Variants in SALL1 observed in about 807,000 individuals in gnomAD.
The protein encoded by SALL1 is spalt like transcription factor 1.
In SALL1, 10 loss-of-function variants were observed where a neutral mutation model predicts 73.1. The ratio of observed to expected loss-of-function variants is 0.14; its 90% CI spans 0.08 to 0.23. The LOEUF (loss-of-function observed/expected upper bound fraction) is 0.23. Among genes scored for constraint, SALL1 ranks in the 10% least tolerant of loss-of-function variants. The pLI is 1.00. For synonymous variants in SALL1, 688 were observed against 689.8 expected (o/e 1.00, Z 0.04); for missense variants, 1,520 against 1,697.3 (o/e 0.90, Z 1.84).
rs552665248 is a variant in SALL1 at position 51,145,258 on chromosome 16, G to A, written c.77-3113C>T. ...CACACACACACGTACACACGAACAT[G>A]TTATAATTAATTTTTCTGATTGTCT... On this transcript the variant is annotated intron_variant, in intron 1 of 2. Transcript: ENST00000251020. Among the ~76,000 whole-genome samples, 585 of 150,822 alleles carry A rather than the reference G, an allele frequency of 3.9e-3. 6 individuals are homozygous for A. The highest frequency in any genetic ancestry group is 0.013 in the African/African-American group (554 of 41,146).
intron 1 of SALL1, chr16:51,150,257 C>T (rs1962577008): frequency 7.6e-6 from 2 of 264,160 alleles, no homozygotes; most frequent in African/African-American, 4.6e-5. Context: ...AAACAAGTGC[C>T]CCTGTTTCAG....
Position 51,151,237 on chromosome 16 carries a change from G to A in SALL1, c.5C>T (p.Ser2Leu). 6.3e-7 allele frequency: 1 copy of A among 1,598,136 alleles called. No homozygotes were observed. The change falls in exon 1 of 3, where the codon TCG (serine) becomes TTG (leucine). Residue 2 changes from serine (S) to leucine (L), a missense_variant. Transcript: ENST00000251020. Reference sequence around the variant, plus strand: ...TTGAGGCTTCGCTTGCTTCCTCCGCGACATGCTGGCTCAAACATCAGCTGG... The same window carrying A: ...TTGAGGCTTCGCTTGCTTCCTCCGCAACATGCTGGCTCAAACATCAGCTGG... The part of the protein sequence containing the change: M[S>L]RRKQAKPQHF...
Position 51,139,277 on chromosome 16 carries a change from T to C in SALL1, c.2945A>G (p.Lys982Arg), listed in dbSNP as rs767810996. 11 of 1,614,184 alleles carry C rather than the reference T, an allele frequency of 6.8e-6. No homozygotes were observed. Among genetic ancestry groups the C allele is most frequent in the South Asian group, 1.1e-5 (1 of 91,086 alleles). Residue 982 changes from lysine to arginine, a missense_variant, in exon 2 of 3, where the codon AAA (lysine) becomes AGA (arginine). By Grantham distance (26) the Lys-to-Arg change is conservative. Transcript: ENST00000251020. ...LTSSHAEKII[K>R]EDSLGILFPF... is the part of the protein sequence containing the mutation. ...GAAGAGGATCCCCAAAGAATCTTCT[T>C]TGATGATTTTCTCTGCGTGACTAGA...
intron 1 of SALL1, among the ~76,000 whole-genome samples, chr16:51,146,457 A>G (rs1473369496): frequency 6.6e-6 from 1 of 152,162 alleles, no homozygotes; most frequent in African/African-American, 2.4e-5. Context: ...TTAAGGCGAG[A>G]TCTAAACTTT....
At position 51,136,266 on chromosome 16, in the gene SALL1, A is replaced by AC. The variant is rs1962295954; in HGVS notation, c.*845dup. On this transcript the variant is annotated 3_prime_UTR_variant, in exon 3 of 3. Coordinates refer to ENST00000251020, the MANE Select transcript of SALL1 (RefSeq NM_002968.3). ...TCTTATTGTATATACAAGAGCATCT[A>AC]CATTTTCTCCACTGAAGGTTGTTCA... 6.6e-6 allele frequency: 1 copy of AC among 152,668 alleles called. No individual in the cohort carries two copies. The highest frequency in any genetic ancestry group is 2.4e-5 in the African/African-American group (1 of 41,462). 9.5% of individuals were successfully genotyped at this position (152,668 alleles called of 1,614,324 possible).
In SALL1 at chr16:51,141,631, G is replaced by A. The variant is rs763677286; in HGVS notation, c.591C>T (p.Ile197=). ...NFSVINSNVI[I]ENLQSTKVAV... is the part of the protein sequence containing the mutation. ...CCACCTTGGTGCTCTGGAGGTTCTC[G>A]ATGATGACGTTGCTGTTGATTACGG... The change falls in exon 2 of 3, where the codon ATC becomes ATT. Residue 197 remains isoleucine, a synonymous_variant. Coordinates refer to ENST00000251020, the MANE Select transcript of SALL1 (RefSeq NM_002968.3). The surrounding 1 kb of genome is among the most constrained non-coding windows in gnomAD (Gnocchi z 5.4). The A allele has an allele frequency of 1.1e-5, 18 of 1,613,912 alleles. No individual in the cohort carries two copies. The South Asian group carries it at 1.2e-4, about 11-fold the overall frequency.
rs1373874712 is a variant in SALL1, at chr16:51,147,808, C to CACACACACA, written c.76+3357_76+3358insTGTGTGTGT. On this transcript the variant is annotated intron_variant, in intron 1 of 2. Coordinates refer to ENST00000251020, the MANE Select transcript of SALL1 (RefSeq NM_002968.3). ...ACACACACACACACACACACACACA[C>CACACACACA]ATGCACACATGCACTTACGCACACA... Among the ~76,000 whole-genome samples, 3 of 151,628 alleles carry CACACACACA rather than the reference C, an allele frequency of 2.0e-5. No individual in the cohort carries two copies. The East Asian group carries it at 5.8e-4, about 29-fold the overall frequency.
chr16:51,151,280 CT>C, upstream of SALL1: 1 of 1,431,594 alleles, frequency 7.0e-7, no homozygotes, highest in South Asian at 1.4e-5. Context: ...TAAAAAATTA[CT>C]AAAAAAAAAT....
chr16:51,139,997 G>T lies in SALL1; in HGVS notation c.2225C>A (p.Ala742Asp). ...RPFKCKICGR[A>D]FTTKGNLKTH... Reference sequence around the variant, plus strand: ...TTTAAGATTCCCTTTCGTGGTGAAAGCCCGGCCACAGATCTTACACTTAAA... The same window carrying T: ...TTTAAGATTCCCTTTCGTGGTGAAATCCCGGCCACAGATCTTACACTTAAA... Residue 742 changes from alanine to aspartate, a missense_variant, in exon 2 of 3, where the codon GCT becomes GAT. This residue lies in a region of SALL1 where 77 missense variants were observed against 117.2 expected (regional missense o/e 0.66). Transcript: ENST00000251020. 6.2e-7 allele frequency: 1 copy of T among 1,614,218 alleles called. No individual in the cohort carries two copies. The highest frequency in any genetic ancestry group is 8.5e-7 in the Non-Finnish European group (1 of 1,180,044).
rs764649258 is a variant in SALL1 at position 51,137,490 on chromosome 16, C to A, written c.3597G>T (p.Val1199=). The A allele has an allele frequency of 6.2e-7, 1 of 1,613,932 alleles. No homozygotes were observed. Among genetic ancestry groups the A allele is most frequent in the South Asian group, 1.1e-5 (1 of 91,058 alleles). ...CTCCTAGAAATGTCATGGGGCCATC[C>A]ACAGAGAGCCGCCGACCCCGTCGTG... ...TPARRGRRLS[V]DGPMTFLGGN... The change falls in exon 3 of 3, where the codon GTG becomes GTT. Residue 1199 remains valine (V), a synonymous_variant. Transcript: ENST00000251020.
Position 51,139,552 on chromosome 16 carries a change from A to C in SALL1, c.2670T>G (p.Asn890Lys), listed in dbSNP as rs1962374395. 1 of 1,614,074 alleles carries C rather than the reference A, an allele frequency of 6.2e-7. No individual in the cohort carries two copies. The highest frequency in any genetic ancestry group is 1.1e-5 in the South Asian group (1 of 91,080). Residue 890 changes from asparagine (N) to lysine (K), a missense_variant, in exon 2 of 3, where the codon AAT (asparagine) becomes AAG (lysine). Asn to Lys is a moderately conservative substitution (Grantham distance 94, BLOSUM62 0). Coordinates refer to ENST00000251020, the MANE Select transcript of SALL1 (RefSeq NM_002968.3). ...QLQASLKSVE[N>K]GSIEGDVLTN... is the part of the protein sequence containing the mutation. ...TCAGGACATCCCCCTCGATGGACCC[A>C]TTCTCCACTGACTTCAGGCTGGCCT...
Position 51,139,324 on chromosome 16 carries a change from A to T in SALL1, c.2898T>A (p.Asn966Lys). ...TAGATGTCAAATCCAAAGCCCCACC[A>T]TTCACTGGGGTGGGAGACAAACCAT... is the stretch of plus-strand genomic sequence containing the variant. Reference protein sequence around the residue: ...FANGLSPTPVNGGALDLTSSH... With the variant: ...FANGLSPTPVKGGALDLTSSH... Residue 966 changes from asparagine (N) to lysine (K), a missense_variant, in exon 2 of 3, where the codon AAT (asparagine) becomes AAA (lysine). Coordinates refer to ENST00000251020, the MANE Select transcript of SALL1 (RefSeq NM_002968.3). 1 of 1,614,116 alleles carries T rather than the reference A, an allele frequency of 6.2e-7. No individual in the cohort carries two copies. Among genetic ancestry groups the T allele is most frequent in the Non-Finnish European group, 8.5e-7 (1 of 1,180,018 alleles).
At position 51,146,428 on chromosome 16, in the gene SALL1, C is replaced by T. The variant is rs532547207; in HGVS notation, c.77-4283G>A. Among the ~76,000 whole-genome samples, 6 of 152,122 alleles carry T rather than the reference C, an allele frequency of 3.9e-5. 1 individual carries two copies. Among genetic ancestry groups the T allele is most frequent in the African/African-American group, 1.4e-4 (6 of 41,486 alleles). On this transcript the variant is annotated intron_variant, in intron 1 of 2. Coordinates refer to ENST00000251020, the MANE Select transcript of SALL1 (RefSeq NM_002968.3). Reference sequence around the variant, plus strand: ...CTTTGTGGCTTTCCTATTGCAGTGACGCGTAAAAAAGAGACTCCTTAAGGC... The same window carrying T: ...CTTTGTGGCTTTCCTATTGCAGTGATGCGTAAAAAAGAGACTCCTTAAGGC...
At chr16:51,147,018 T>G (rs538386346) in intron 1 of SALL1, among the ~76,000 whole-genome samples, 1 of 152,306 alleles carries the variant, frequency 6.6e-6, no homozygotes, top group African/African-American at 2.4e-5. Context: ...TTTCAAAAAC[T>G]TAACCAGTCT....
Position 51,140,788 on chromosome 16 carries a change from C to T in SALL1, c.1434G>A (p.Lys478=). 1.2e-6 allele frequency: 2 copies of T among 1,614,226 alleles called. No homozygotes were observed. Residue 478 remains lysine, a synonymous_variant, in exon 2 of 3, where the codon AAG becomes AAA. Coordinates refer to ENST00000251020, the MANE Select transcript of SALL1 (RefSeq NM_002968.3). The surrounding 1 kb of genome is among the most constrained non-coding windows in gnomAD (Gnocchi z 5.7). ...AGAACCTGTTCCCGCAGATGTTGCACTTGAATGGCCTCTCTCCGGTATGGG... is the reference window on the plus strand; with the variant it reads ...AGAACCTGTTCCCGCAGATGTTGCATTTGAATGGCCTCTCTCCGGTATGGG... ...LRSHTGERPF[K]CNICGNRFST... is the part of the protein sequence containing the mutation.
At position 51,141,787 on chromosome 16, in the gene SALL1, G is replaced by T; in HGVS notation, c.435C>A (p.Ser145Arg). Reference protein sequence around the residue: ...SGSGTSSGSHSSTAPSSSSSS... With the variant: ...SGSGTSSGSHRSTAPSSSSSS... ...TGCTGCTGCTGCTTGGGGCGGTACT[G>T]CTGTGGCTGCCGCTGGAAGTGCCGC... Residue 145 changes from serine to arginine, a missense_variant, in exon 2 of 3, where the codon AGC becomes AGA. Ser to Arg is a moderately radical substitution (Grantham distance 110). Transcript: ENST00000251020. This position sits in a 1 kb window ranked among gnomAD's most constrained non-coding sequence, Gnocchi z 5.4. The T allele has an allele frequency of 6.2e-7, 1 of 1,613,310 alleles. No individual in the cohort carries two copies. Among genetic ancestry groups the T allele is most frequent in the Non-Finnish European group, 8.5e-7 (1 of 1,179,784 alleles).
In SALL1 at chr16:51,136,975, T is replaced by C; in HGVS notation, c.*137A>G. 1.4e-6 allele frequency: 1 copy of C among 721,334 alleles called. No homozygotes were observed. Among genetic ancestry groups the C allele is most frequent in the Middle Eastern group, 2.8e-4 (1 of 3,524 alleles). The allele number at this position is 721,334 out of a possible 1,614,324, so 44.7% of individuals were successfully genotyped here. A position where few individuals can be genotyped will look rare whatever the true frequency, so the allele number is the denominator to read the frequency against. ...TAAAGTTGAACAAGGTACAAAAGAA[T>C]GTCTTCATAATGTTGTAGTTCATAG... On this transcript the variant is annotated 3_prime_UTR_variant, in exon 3 of 3. Transcript: ENST00000251020.
chr16:51,140,124 T>C lies in SALL1; in HGVS notation c.2098A>G (p.Lys700Glu). The C allele has an allele frequency of 6.2e-7, 1 of 1,614,134 alleles. No individual in the cohort carries two copies. The highest frequency in any genetic ancestry group is 8.5e-7 in the Non-Finnish European group (1 of 1,180,036). ...CACTCATTGGGGTCAGTGGCCTTCT[T>C]GTCAATGTTTTCTACCAGTTGCTGA... ...KLQQLVENID[K>E]KATDPNECII... Residue 700 changes from lysine to glutamate, a missense_variant, in exon 2 of 3, where the codon AAG becomes GAG. Lys to Glu is a moderately conservative substitution (Grantham distance 56, BLOSUM62 1). Around this residue, in one of 7 missense-constraint regions of SALL1, gnomAD observed 276 missense variants for 259.1 expected, o/e 1.07. Coordinates refer to ENST00000251020, the MANE Select transcript of SALL1 (RefSeq NM_002968.3). The surrounding 1 kb of genome is among the most constrained non-coding windows in gnomAD (Gnocchi z 5.7).
rs570139964 is a variant in SALL1 at position 51,136,922 on chromosome 16, C to T, written c.*190G>A. The T allele has an allele frequency of 1.6e-5, 10 of 612,048 alleles. No homozygotes were observed. The highest frequency in any genetic ancestry group is 2.7e-5 in the Admixed American group (1 of 36,416). The allele number at this position is 612,048 out of a possible 1,614,324, so 37.9% of individuals were successfully genotyped here. ...TTCTGTTTGCAAAGCAAGGTTATAT[C>T]GCTAATAAATAAGCTTTCTTAGAAC... On this transcript the variant is annotated 3_prime_UTR_variant, in exon 3 of 3. Coordinates refer to ENST00000251020, the MANE Select transcript of SALL1 (RefSeq NM_002968.3).
Sources: gnomAD v4.1 joint callset for allele counts (sites outside exome capture counted in the v4.1 genomes callset) on GRCh38, gnomAD v4.1.1 for gene constraint, gnomAD v4.1.1 regional missense constraint, Gnocchi (gnomAD v3.1) non-coding constraint, MANE v1.5 for transcripts, NCBI Gene and HGNC (gene_info 2026-07-23, HGNC 2026-07-21) for gene names.